Variants in MICU1 observed in about 807,000 individuals in gnomAD.
The protein encoded by MICU1 is calcium uptake protein 1, mitochondrial.
In MICU1, 45 loss-of-function variants were observed where a neutral mutation model predicts 56.8. That is an observed-to-expected ratio of 0.79 (90% CI 0.62 to 1.02). The LOEUF (loss-of-function observed/expected upper bound fraction) is 1.02, where lower values mean the gene tolerates loss of function less well. Ranked by LOEUF, MICU1 falls within the 50% of genes least tolerant of loss-of-function variation. The probability of loss-of-function intolerance (pLI) is 0.00; values close to 1 mark genes in which losing one functional copy is unlikely to be tolerated. For missense variants in MICU1, 504 were observed against 587.1 expected, an observed-to-expected ratio of 0.86 and a Z score of 1.46; for synonymous variants, 186 against 195.1, an observed-to-expected ratio of 0.95 and a Z score of 0.39.
At chr10:72,501,584 CAAT>C (rs1867069529) in intron 6 of MICU1, among the ~76,000 whole-genome samples, 1 of 151,426 alleles carries the variant, frequency 6.6e-6, no homozygotes, top group Non-Finnish European at 1.5e-5. Context: ...GGAAAATGGA[CAAT>C]AACAGTATAA....
intron 4 of MICU1, among the ~76,000 whole-genome samples, chr10:72,536,403 G>A (rs1283762072): frequency 6.6e-6 from 1 of 152,084 alleles, no homozygotes; most frequent in African/African-American, 2.4e-5. Context: ...CTGGAGTGCA[G>A]TGGCATGATC....
At chr10:72,497,791 T>C (rs925865245) in intron 6 of MICU1, among the ~76,000 whole-genome samples, 3 of 152,186 alleles carry the variant, frequency 2.0e-5, no homozygotes, top group Admixed American at 2.0e-4. Context: ...GGTATAGTGA[T>C]AGATGGGTGC....
chr10:72,421,046 G>T (rs11591502), intron 9 of MICU1, among the ~76,000 whole-genome samples: 74,927 of 143,854 alleles, frequency 0.52, 21,030 homozygotes, highest in Non-Finnish European at 0.65. Context: ...ATAATAAAAA[G>T]AAAAGAAAAA....
At chr10:72,537,324 A>G (rs533611099) in intron 4 of MICU1, among the ~76,000 whole-genome samples, 4 of 152,204 alleles carry the variant, frequency 2.6e-5, no homozygotes, top group African/African-American at 9.6e-5. Flanking sequence ...GTCCCTAACT[A>G]CTCCTCTAGA....
At chr10:72,450,036 C>G (rs1865245115) in intron 8 of MICU1, among the ~76,000 whole-genome samples, 1 of 152,106 alleles carries the variant, frequency 6.6e-6, no homozygotes, top group Non-Finnish European at 1.5e-5. Flanking sequence ...GGTTTGTGTT[C>G]TGTCTCTGGG....
intron 5 of MICU1, among the ~76,000 whole-genome samples, chr10:72,517,685 C>T (rs1181086078): frequency 1.3e-5 from 2 of 151,760 alleles, no homozygotes; most frequent in Admixed American, 1.3e-4. Context: ...GTACACTGCT[C>T]GGTGATGGGT....
chr10:72,588,083 G>T (rs1407551808), intron 1 of MICU1, among the ~76,000 whole-genome samples: 1 of 152,154 alleles, frequency 6.6e-6, no homozygotes, highest in Non-Finnish European at 1.5e-5. Context: ...ACGGGGGGCA[G>T]ATTTTCCCCT....
At chr10:72,605,311 C>T (rs990382427) in intron 1 of MICU1, among the ~76,000 whole-genome samples, 2 of 152,200 alleles carry the variant, frequency 1.3e-5, no homozygotes, top group African/African-American at 4.8e-5. Flanking sequence ...GGGAAGAACT[C>T]TCAATTCCAG....
chr10:72,477,329 G>A, intron 6 of MICU1, 73 bp from the exon 7 acceptor site: 2 of 1,267,382 alleles, frequency 1.6e-6, no homozygotes, highest in African/African-American at 3.0e-5. Context: ...AAAAACAAAA[G>A]GCTAAACACT....
intron 5 of MICU1, chr10:72,533,004 C>T: frequency 7.8e-7 from 1 of 1,286,858 alleles, no homozygotes; most frequent in Non-Finnish European, 1.0e-6. Context: ...CCTTTTCCAG[C>T]CACTCCATGA....
At chr10:72,480,649 A>G (rs1866265168) in intron 6 of MICU1, among the ~76,000 whole-genome samples, 1 of 152,262 alleles carries the variant, frequency 6.6e-6, no homozygotes, top group East Asian at 1.9e-4. Context: ...TAATAGAAAT[A>G]GGAAAACATT....
chr10:72,619,337 C>T (rs1225995576), intron 1 of MICU1, among the ~76,000 whole-genome samples: 3 of 151,774 alleles, frequency 2.0e-5, no homozygotes, highest in South Asian at 2.1e-4. Flanking sequence ...CCCAGCTACT[C>T]GGGAGGCTGA....
At position 72,410,445 on chromosome 10, in the gene MICU1, C is replaced by T. The variant is rs530778448; in HGVS notation, c.1072-2408G>A. On this transcript the variant is annotated intron_variant, in intron 9 of 11. Transcript: ENST00000361114. ...CAGCCTGACTAACACGGAGAAACCC[C>T]ATCTCTACTAAAAATACAAAAATAT... Among the ~76,000 whole-genome samples, 8 of 152,222 alleles carry T rather than the reference C, an allele frequency of 5.3e-5. 1 individual carries two copies. The highest frequency in any genetic ancestry group is 3.9e-4 in the East Asian group (2 of 5,174).
intron 5 of MICU1, among the ~76,000 whole-genome samples, chr10:72,529,079 T>TA (rs1382718440): frequency 2.6e-5 from 4 of 152,230 alleles, no homozygotes; most frequent in Non-Finnish European, 4.4e-5. Flanking sequence ...TTTATCTCTT[T>TA]ACAGATAAAT....
At chr10:72,481,573 G>C (rs192074624) in intron 6 of MICU1, among the ~76,000 whole-genome samples, 1 of 151,898 alleles carries the variant, frequency 6.6e-6, no homozygotes, top group Admixed American at 6.6e-5. Flanking sequence ...CACCACCCCC[G>C]GCTAATTTTT....
At chr10:72,508,811 T>G (rs1260539192) in intron 5 of MICU1, among the ~76,000 whole-genome samples, 1 of 152,176 alleles carries the variant, frequency 6.6e-6, no homozygotes, top group African/African-American at 2.4e-5. Context: ...CAGACCAGTA[T>G]GCAGAGTGAA....
intron 8 of MICU1, among the ~76,000 whole-genome samples, chr10:72,466,922 C>T (rs1865810124): frequency 6.6e-6 from 1 of 152,086 alleles, no homozygotes; most frequent in Admixed American, 6.5e-5. Flanking sequence ...TACTTTTAAT[C>T]ATTTAGTTGT....
chr10:72,371,386 C>CAAA (rs56014491), intron 11 of MICU1, among the ~76,000 whole-genome samples: 5 of 91,204 alleles, frequency 5.5e-5, no homozygotes, highest in Non-Finnish European at 1.1e-4. Flanking sequence ...GACTCCGTCT[C>CAAA]AAAAAAAAAA....
At chr10:72,500,777 T>A (rs1192124524) in intron 6 of MICU1, among the ~76,000 whole-genome samples, 1 of 152,222 alleles carries the variant, frequency 6.6e-6, no homozygotes, top group Non-Finnish European at 1.5e-5. Context: ...AAATTCTAAG[T>A]TATATTACCA....
Sources: allele counts gnomAD v4.1 joint callset (sites outside exome capture counted in the v4.1 genomes callset), GRCh38; gene constraint gnomAD v4.1.1; transcripts MANE v1.5; gene names NCBI Gene and HGNC (gene_info 2026-07-23, HGNC 2026-07-21).